The following GYS2 variants were observed in gnomAD, a reference collection of about 807,000 sequenced individuals.
GYS2 encodes the protein glycogen [starch] synthase, liver.
In GYS2, 80 loss-of-function variants were observed where a neutral mutation model predicts 85.6. The ratio of observed to expected loss-of-function variants is 0.93; its 90% CI spans 0.78 to 1.13. GYS2 has a LOEUF of 1.13. GYS2 is among the 50% of genes most tolerant of loss of function. The probability of loss-of-function intolerance (pLI) is 0.00; values close to 1 mark genes in which losing one functional copy is unlikely to be tolerated. For synonymous variants in GYS2, 328 were observed against 300.7 expected (o/e 1.09, Z -0.94); for missense variants, 881 against 854.9 (o/e 1.03, Z -0.38).
chr12:21,539,270 T>A lies in GYS2; in HGVS notation c.1878A>T (p.Thr626=), dbSNP rs774943360. The A allele has an allele frequency of 6.4e-7, 1 of 1,565,926 alleles. No individual in the cohort carries two copies. The highest frequency in any genetic ancestry group is 1.7e-5 in the Admixed American group (1 of 59,952). ...ATTGAATATTTACCGTTGGTGGTGA[T>A]GTTAGTTCCACATGGAATTTATCTG... ...AFPDKFHVEL[T]SPPTTEGFKY... is the part of the protein sequence containing the mutation. Residue 626 remains threonine (T), a synonymous_variant, in exon 15 of 16, where the codon ACA becomes ACT. Coordinates refer to ENST00000261195, the MANE Select transcript of GYS2 (RefSeq NM_021957.4).
At chr12:21,590,653 G>A (rs535135696) in intron 1 of GYS2, among the ~76,000 whole-genome samples, 7 of 152,236 alleles carry the variant, frequency 4.6e-5, no homozygotes, top group African/African-American at 1.7e-4. Flanking sequence ...TGACACCCAA[G>A]CAAACTGCCT....
At chr12:21,546,188 A>G (rs902934010) in intron 12 of GYS2, among the ~76,000 whole-genome samples, 156 bp downstream of exon 12, 2 of 152,192 alleles carry the variant, frequency 1.3e-5, no homozygotes, top group African/African-American at 4.8e-5. Context: ...CAAATCATAA[A>G]TTAATCCCTG....
At chr12:21,535,627 G>T (rs1000816119), downstream of GYS2, among the ~76,000 whole-genome samples, 1 of 152,162 alleles carries the variant, frequency 6.6e-6, no homozygotes, top group African/African-American at 2.4e-5. Flanking sequence ...GCAATAGGAG[G>T]GCTGGATTAC....
At chr12:21,588,955 A>G (rs180934876) in intron 1 of GYS2, among the ~76,000 whole-genome samples, 5 of 152,374 alleles carry the variant, frequency 3.3e-5, no homozygotes, top group Middle Eastern at 3.4e-3. Flanking sequence ...AGCTTTCTTC[A>G]AAACCACTAT....
chr12:21,567,392 T>C (rs746870466), intron 5 of GYS2, among the ~76,000 whole-genome samples: 2 of 152,046 alleles, frequency 1.3e-5, no homozygotes, highest in Non-Finnish European at 2.9e-5. Flanking sequence ...GAAATGAGCA[T>C]ATTGATGGAA....
chr12:21,535,445 G>T (rs1943901977), downstream of GYS2, among the ~76,000 whole-genome samples: 4 of 152,150 alleles, frequency 2.6e-5, no homozygotes, highest in South Asian at 8.3e-4. Flanking sequence ...AAACTGCTCT[G>T]CAGATGCTCG....
intron 11 of GYS2, among the ~76,000 whole-genome samples, chr12:21,551,393 C>T (rs964260505): frequency 1.3e-5 from 2 of 151,684 alleles, no homozygotes; most frequent in Non-Finnish European, 2.9e-5. Context: ...ATACATATTA[C>T]CTCATTTAAT....
chr12:21,560,437 T>C lies in GYS2; in HGVS notation c.1118A>G (p.Asn373Ser). 2.5e-6 allele frequency: 4 copies of C among 1,610,566 alleles called. No individual in the cohort carries two copies. Among genetic ancestry groups the C allele is most frequent in the Non-Finnish European group, 3.4e-6 (4 of 1,176,822 alleles). The stretch of plus-strand genomic sequence containing the variant: ...TTTCAGGGTTTCCACGTTGAAATTA[T>C]TTGTCTTGGCAGGCATAATGAAAAA... ...MVFFIMPAKT[N>S]NFNVETLKGQ... The change falls in exon 8 of 16, where the codon AAT (asparagine) becomes AGT (serine). Residue 373 changes from asparagine to serine, a missense_variant. Transcript: ENST00000261195.
At chr12:21,542,092 G>A (rs960630257) in intron 13 of GYS2, among the ~76,000 whole-genome samples, 1 of 151,792 alleles carries the variant, frequency 6.6e-6, no homozygotes. Flanking sequence ...CTGTCACCCA[G>A]GCAGGTGTGC....
At chr12:21,559,952 A>G (rs71539428) in intron 8 of GYS2, among the ~76,000 whole-genome samples, 11,086 of 152,240 alleles carry the variant, frequency 0.073, 533 homozygotes, top group Non-Finnish European at 0.1. Flanking sequence ...TTTTTGCTTC[A>G]TGATGATTGG....
chr12:21,594,365 C>G (rs912163167), intron 1 of GYS2, among the ~76,000 whole-genome samples: 1 of 152,112 alleles, frequency 6.6e-6, no homozygotes, highest in Non-Finnish European at 1.5e-5. Flanking sequence ...CAAGACTCCA[C>G]CAAAGCACTC....
rs1417318324 is a variant in GYS2, at chr12:21,582,582, GATAGATATAGAGATAGATATAGAT to G, written c.122-2083_122-2060del. Reference sequence around the variant, plus strand: ...ACTCTCATATAGATATAGATATAGAGATAGATATAGAGATAGATATAGATATAGATATAGATATAGATATAGATA... The same window carrying G: ...ACTCTCATATAGATATAGATATAGAGATAGATATAGATATAGATATAGATA... On this transcript the variant is annotated intron_variant, in intron 1 of 15. Coordinates refer to ENST00000261195, the MANE Select transcript of GYS2 (RefSeq NM_021957.4). Among the ~76,000 whole-genome samples the G allele has an allele frequency of 5.7e-3, 659 of 114,814 alleles. 5 individuals carry two copies. The highest frequency in any genetic ancestry group is 0.02 in the African/African-American group (598 of 30,308). 75.3% of individuals were successfully genotyped at this position (114,814 alleles called of 152,430 possible).
chr12:21,550,227 G>A (rs1441644120), intron 11 of GYS2, among the ~76,000 whole-genome samples: 5 of 151,914 alleles, frequency 3.3e-5, no homozygotes, highest in Non-Finnish European at 7.4e-5. Flanking sequence ...AGTAGCAAAT[G>A]GCATTTAGCA....
rs1344951969 is a variant in GYS2, at chr12:21,560,484, T to C, written c.1071A>G (p.Lys357=). 6 of 1,445,128 alleles carry C rather than the reference T, an allele frequency of 4.2e-6. No homozygotes were observed. The South Asian group carries it at 6.8e-5, about 16-fold the overall frequency. 89.5% of individuals were successfully genotyped at this position (1,445,128 alleles called of 1,614,324 possible). A position where few individuals can be genotyped will look rare whatever the true frequency, so the allele number is the denominator to read the frequency against. Residue 357 remains lysine, a synonymous_variant, in exon 8 of 16, where the codon AAA becomes AAG. Transcript: ENST00000261195. ...AAAACACCATCACTGTGATGTCACT[T>C]TTATGCATCTGATGAGGAATTAGAA... is the stretch of plus-strand genomic sequence containing the variant. ...SRLNFLLRMH[K]SDITVMVFFI...
chr12:21,577,446 A>G (rs1944459431), intron 2 of GYS2, among the ~76,000 whole-genome samples: 1 of 152,198 alleles, frequency 6.6e-6, no homozygotes, highest in Non-Finnish European at 1.5e-5. Flanking sequence ...CCTACACTAG[A>G]AAGCCATGAA....
At chr12:21,584,650 T>A (rs1474688932) in intron 1 of GYS2, among the ~76,000 whole-genome samples, 1 of 152,154 alleles carries the variant, frequency 6.6e-6, no homozygotes, top group African/African-American at 2.4e-5. Flanking sequence ...CTCGGGGTGA[T>A]CAGCCAGCTA....
intron 11 of GYS2, among the ~76,000 whole-genome samples, chr12:21,550,293 G>A (rs1157471630): frequency 6.9e-6 from 1 of 145,534 alleles, no homozygotes; most frequent in Non-Finnish European, 1.5e-5. Context: ...CTTCCCCCAA[G>A]TGCTCTGAGT....
At chr12:21,594,890 G>A (rs1944678184) in intron 1 of GYS2, among the ~76,000 whole-genome samples, 1 of 152,092 alleles carries the variant, frequency 6.6e-6, no homozygotes, top group African/African-American at 2.4e-5. Context: ...ACTGACATTA[G>A]AACAGACACT....
intron 1 of GYS2, among the ~76,000 whole-genome samples, chr12:21,602,227 C>T (rs1248555638): frequency 6.6e-6 from 1 of 152,008 alleles, no homozygotes; most frequent in Non-Finnish European, 1.5e-5. Context: ...AGGACATTTC[C>T]TTTGAAAACT....
Sources: allele counts gnomAD v4.1 joint callset (sites outside exome capture counted in the v4.1 genomes callset), GRCh38; gene constraint gnomAD v4.1.1; transcripts MANE v1.5; gene names NCBI Gene and HGNC (gene_info 2026-07-23, HGNC 2026-07-21).